GPR55: variants seen among roughly 807,000 people sequenced by gnomAD.
GPR55 encodes the protein G protein-coupled receptor 55.
In GPR55, 6 loss-of-function variants were observed where a neutral mutation model predicts 7.9. That is an observed-to-expected ratio of 0.76 (90% confidence interval 0.41 to 1.49). GPR55 has a LOEUF of 1.49. Ranked by LOEUF, GPR55 falls within the 40% of genes most tolerant of loss-of-function variation. The pLI is 0.01. For synonymous variants in GPR55, 183 were observed against 166.8 expected (o/e 1.10, Z -0.75); for missense variants, 376 against 406.0 (o/e 0.93, Z 0.63).
chr2:230,936,188 G>A (rs1333603403), intron 1 of GPR55, among the ~76,000 whole-genome samples: 2 of 152,216 alleles, frequency 1.3e-5, no homozygotes, highest in African/African-American at 2.4e-5. Context: ...GAGCCTTGAA[G>A]GTAAGCCAGT....
Position 230,944,633 on chromosome 2 carries a change from A to G in GPR55, c.-135+16142T>C, listed in dbSNP as rs1691284035. On this transcript the variant is annotated intron_variant, in intron 1 of 1. Coordinates refer to the GPR55 transcript ENST00000392039. The surrounding 1 kb of genome is among the most constrained non-coding windows in gnomAD (Gnocchi z 4.2). ...TGATTTGCTTTAACTGAAGGTGAAGAGAATCTTTCAGGAGTGGAGAGAATA... is the reference window on the plus strand; with the variant it reads ...TGATTTGCTTTAACTGAAGGTGAAGGGAATCTTTCAGGAGTGGAGAGAATA... Among the ~76,000 whole-genome samples, 1 of 152,244 alleles carries G rather than the reference A, an allele frequency of 6.6e-6. No individual in the cohort carries two copies. The highest frequency in any genetic ancestry group is 1.5e-5 in the Non-Finnish European group (1 of 68,046).
At chr2:230,958,093 A>T (rs1472439966) in intron 1 of GPR55, 1 of 263,736 alleles carries the variant, frequency 3.8e-6, no homozygotes, top group African/African-American at 2.3e-5. Context: ...GAAAGAAAGG[A>T]AGAAAATTTT....
At chr2:230,913,516 C>T (rs1226399868) in intron 1 of GPR55, among the ~76,000 whole-genome samples, 1 of 152,196 alleles carries the variant, frequency 6.6e-6, no homozygotes, top group East Asian at 1.9e-4. Context: ...AATGTGTTAA[C>T]TTTTCTCACA....
At position 230,909,726 on chromosome 2, in the gene GPR55, TC is replaced by T. The variant is rs1690540937; in HGVS notation, c.*276del. ...ACATGGTCTCATTCTCTTTCTCAATTCTTCTGCTCTATAGTTTTTGGACTTA... is the reference window on the plus strand; with the variant it reads ...ACATGGTCTCATTCTCTTTCTCAATTTTCTGCTCTATAGTTTTTGGACTTA... On this transcript the variant is annotated 3_prime_UTR_variant, in exon 2 of 2. Coordinates refer to ENST00000650999, the MANE Select transcript of GPR55 (RefSeq NM_005683.4). 2.7e-6 allele frequency: 1 copy of T among 373,864 alleles called. No individual in the cohort carries two copies. Among genetic ancestry groups the T allele is most frequent in the Non-Finnish European group, 4.8e-6 (1 of 206,422 alleles). The allele number at this position is 373,864 out of a possible 1,614,324, so 23.2% of individuals were successfully genotyped here.
chr2:230,918,008 C>T (rs10166116), intron 1 of GPR55, among the ~76,000 whole-genome samples: 3,022 of 151,514 alleles, frequency 0.02, 108 homozygotes, highest in African/African-American at 0.068. Context: ...CTTTAATTTT[C>T]TTTAAGGACA....
chr2:230,939,351 A>C (rs1691184510), intron 1 of GPR55, among the ~76,000 whole-genome samples: 2 of 152,270 alleles, frequency 1.3e-5, no homozygotes, highest in African/African-American at 4.8e-5. Flanking sequence ...CCATAGAAAG[A>C]AGGGAGGGTC....
intron 1 of GPR55, among the ~76,000 whole-genome samples, chr2:230,946,174 A>G (rs949069957): frequency 1.3e-5 from 2 of 152,218 alleles, no homozygotes; most frequent in African/African-American, 2.4e-5. Context: ...AACTCACAGA[A>G]GCAGGAAATA....
At chr2:230,946,827 G>A (rs950559943) in intron 1 of GPR55, among the ~76,000 whole-genome samples, 2 of 152,210 alleles carry the variant, frequency 1.3e-5, no homozygotes, top group Admixed American at 1.3e-4. Flanking sequence ...GGGCCTAACT[G>A]GGGCAGGGGC....
chr2:230,943,040 G>A (rs545796895), intron 1 of GPR55, among the ~76,000 whole-genome samples: 325 of 149,146 alleles, frequency 2.2e-3, no homozygotes, highest in Non-Finnish European at 3.3e-3. Context: ...GAGAAGAGAC[G>A]AGAAGAGGAG....
chr2:230,943,899 A>T (rs1211991691), intron 1 of GPR55, among the ~76,000 whole-genome samples: 1 of 152,226 alleles, frequency 6.6e-6, no homozygotes, highest in Non-Finnish European at 1.5e-5. Flanking sequence ...ACCACACTTC[A>T]TATAAAGTCT....
rs1395128633 is a variant in GPR55, at chr2:230,910,838, A to G, written c.125T>C (p.Ile42Thr). 6.2e-7 allele frequency: 1 copy of G among 1,614,138 alleles called. No individual in the cohort carries two copies. Among genetic ancestry groups the G allele is most frequent in the Non-Finnish European group, 8.5e-7 (1 of 1,179,996 alleles). The change falls in exon 2 of 2, where the codon ATC becomes ACC. Residue 42 changes from isoleucine (I) to threonine (T), a missense_variant. Ile to Thr is a moderately conservative substitution (Grantham distance 89). Coordinates refer to ENST00000650999, the MANE Select transcript of GPR55 (RefSeq NM_005683.4). The surrounding 1 kb of genome is among the most constrained non-coding windows in gnomAD (Gnocchi z 5.4). ...VLGLLLNLLA[I>T]HGFSTFLKNR... Reference sequence around the variant, plus strand: ...CTTAAGGAAGGTGCTGAAGCCATGGATGGCCAGCAGGTTGAGGAGCAGGCC... The same window carrying G: ...CTTAAGGAAGGTGCTGAAGCCATGGGTGGCCAGCAGGTTGAGGAGCAGGCC...
intron 1 of GPR55, among the ~76,000 whole-genome samples, chr2:230,913,050 T>C (rs1690628782): frequency 6.6e-6 from 1 of 152,206 alleles, no homozygotes; most frequent in African/African-American, 2.4e-5. Flanking sequence ...GTCCCTTGCT[T>C]TTTCGCTCAT....
chr2:230,927,168 C>T (rs1423391553), upstream of GPR55, among the ~76,000 whole-genome samples: 2 of 152,200 alleles, frequency 1.3e-5, no homozygotes, highest in African/African-American at 4.8e-5. Context: ...CAGGGCACCA[C>T]TGTTAAGTTT....
intron 1 of GPR55, 63 bp downstream of exon 1, chr2:230,925,105 A>G (rs556521950): frequency 6.5e-6 from 1 of 152,802 alleles, no homozygotes; most frequent in Non-Finnish European, 1.5e-5. Context: ...TGCAGTCCAC[A>G]AGAGCAAGGT....
chr2:230,951,590 A>G (rs1022463230), intron 1 of GPR55, among the ~76,000 whole-genome samples: 2 of 152,182 alleles, frequency 1.3e-5, no homozygotes, highest in Admixed American at 1.3e-4. Flanking sequence ...CCTTAAAAAT[A>G]GCCTACCCTT....
Position 230,910,371 on chromosome 2 carries a change from C to T in GPR55, c.592G>A (p.Gly198Ser), listed in dbSNP as rs767967335. ...TGGATGCTCCTGGAGCAGCAGAAGC[C>T]CATGATGCCCATGGGAAGGAGGAAG... is the stretch of plus-strand genomic sequence containing the variant. ...FGFLLPMGIMGFCCSRSIHIL... is the reference protein window; with the variant it reads ...FGFLLPMGIMSFCCSRSIHIL... Residue 198 changes from glycine (G) to serine (S), a missense_variant, in exon 2 of 2, where the codon GGC becomes AGC. Coordinates refer to ENST00000650999, the MANE Select transcript of GPR55 (RefSeq NM_005683.4). The surrounding 1 kb of genome is among the most constrained non-coding windows in gnomAD (Gnocchi z 5.4). 6.2e-7 allele frequency: 1 copy of T among 1,614,028 alleles called. No homozygotes were observed. The highest frequency in any genetic ancestry group is 1.1e-5 in the South Asian group (1 of 91,056).
At chr2:230,945,166 C>G (rs564779102) in intron 1 of GPR55, among the ~76,000 whole-genome samples, 1 of 152,192 alleles carries the variant, frequency 6.6e-6, no homozygotes, top group East Asian at 1.9e-4. Flanking sequence ...AGGTGATCTG[C>G]GCAAAAAGAT....
chr2:230,960,281 CAAGAT>C (rs1463512540), intron 1 of GPR55, among the ~76,000 whole-genome samples: 1 of 152,050 alleles, frequency 6.6e-6, no homozygotes, highest in Non-Finnish European at 1.5e-5. Flanking sequence ...TTTAGACTGA[CAAGAT>C]AAGAAATGTG....
chr2:230,957,669 A>G, intron 1 of GPR55: 1 of 544,706 alleles, frequency 1.8e-6, no homozygotes, highest in Non-Finnish European at 3.7e-6. Flanking sequence ...GGTGTTGAAA[A>G]TATTCCCTGT....
Sources: allele counts gnomAD v4.1 joint callset (sites outside exome capture counted in the v4.1 genomes callset), GRCh38; gene constraint gnomAD v4.1.1; non-coding constraint Gnocchi (gnomAD v3.1); transcripts MANE v1.5; gene names NCBI Gene and HGNC (gene_info 2026-07-23, HGNC 2026-07-21).